The following SMG1 variants were observed in gnomAD, a reference collection of about 807,000 sequenced individuals.
SMG1 encodes SMG1 nonsense mediated mRNA decay associated PI3K related kinase, also known as serine/threonine-protein kinase SMG1.
SMG1 carries 22 observed loss-of-function variants against 419.9 expected under a neutral mutation model. The ratio of observed to expected loss-of-function variants is 0.05; its 90% CI spans 0.04 to 0.07. SMG1 has a LOEUF of 0.07. Among genes scored for constraint, SMG1 ranks in the 10% least tolerant of loss-of-function variants. The pLI is 1.00. For synonymous variants in SMG1, 1,538 were observed against 1,553.5 expected, an observed-to-expected ratio of 0.99 and a Z score of 0.23; for missense variants, 3,185 against 4,342.0, an observed-to-expected ratio of 0.73 and a Z score of 7.49.
chr16:18,853,214 G>C (rs887616488), intron 31 of SMG1, among the ~76,000 whole-genome samples: 1 of 152,194 alleles, frequency 6.6e-6, no homozygotes, highest in African/African-American at 2.4e-5. Context: ...ACTAGCACCA[G>C]AATGGGAAAC....
chr16:18,831,246 AG>A (rs1325197633), intron 51 of SMG1, among the ~76,000 whole-genome samples: 1 of 152,218 alleles, frequency 6.6e-6, no homozygotes, highest in Non-Finnish European at 1.5e-5. Context: ...AGAATTTTTA[AG>A]AGAATTAAAA....
chr16:18,923,985 C>CG (rs2038294585), intron 1 of SMG1, among the ~76,000 whole-genome samples: 2 of 152,184 alleles, frequency 1.3e-5, no homozygotes, highest in Non-Finnish European at 2.9e-5. Flanking sequence ...TATGTCCACA[C>CG]TTCCCTGTTC....
At chr16:18,818,318 G>A (rs942197423) in intron 56 of SMG1, among the ~76,000 whole-genome samples, 6 of 152,134 alleles carry the variant, frequency 3.9e-5, no homozygotes, top group East Asian at 3.9e-4. Flanking sequence ...TCGGGAGGCA[G>A]AGGTTGCAGT....
Position 18,870,674 on chromosome 16 carries a change from C to G in SMG1, c.2428G>C (p.Gly810Arg). The G allele has an allele frequency of 6.2e-7, 1 of 1,608,982 alleles. No individual in the cohort carries two copies. The part of the protein sequence containing the change: ...DVCRVQLVHS[G>R]TRIRQAFGKL... ...CCAAATGCTTGTCGAATACGAGTTCCACTGTGCACTAGTTGAACACGGCAA... is the reference window on the plus strand; with the variant it reads ...CCAAATGCTTGTCGAATACGAGTTCGACTGTGCACTAGTTGAACACGGCAA... Residue 810 changes from glycine to arginine, a missense_variant, in exon 18 of 63, where the codon GGA (glycine) becomes CGA (arginine). Transcript: ENST00000446231.
In SMG1 at chr16:18,926,160, AGG is replaced by A; in HGVS notation, c.-121_-120del. ...GGGGCTGAGGAGGAAGCCGAGAAGG[AGG>A]AGGAGGAGGAGGAGGAGGAGAAGGA... On this transcript the variant is annotated 5_prime_UTR_variant, in exon 1 of 63. Coordinates refer to ENST00000446231, the MANE Select transcript of SMG1 (RefSeq NM_015092.5). 2 of 539,290 alleles carry A rather than the reference AGG, an allele frequency of 3.7e-6. No homozygotes were observed. The highest frequency in any genetic ancestry group is 5.6e-6 in the Non-Finnish European group (2 of 360,024). 33.4% of individuals were successfully genotyped at this position (539,290 alleles called of 1,614,324 possible).
intron 1 of SMG1, among the ~76,000 whole-genome samples, chr16:18,897,466 A>G (rs958388818): frequency 1.1e-4 from 17 of 152,232 alleles, no homozygotes; most frequent in Admixed American, 5.2e-4. Context: ...CTGATTAGGT[A>G]CTGTAGTATT....
At chr16:18,920,225 T>C (rs28446527) in intron 1 of SMG1, among the ~76,000 whole-genome samples, 1 of 151,468 alleles carries the variant, frequency 6.6e-6, no homozygotes, top group South Asian at 2.1e-4. Context: ...CTACTAAATA[T>C]AAAAAAGTTA....
chr16:18,837,288 T>G lies in SMG1; in HGVS notation c.7569A>C (p.Glu2523Asp). The G allele has an allele frequency of 6.2e-7, 1 of 1,614,006 alleles. No individual in the cohort carries two copies. The change falls in exon 46 of 63, where the codon GAA becomes GAC. Residue 2523 changes from glutamate (E) to aspartate (D), a missense_variant. Physicochemically the swap from Glu to Asp is conservative, Grantham distance 45. Coordinates refer to ENST00000446231, the MANE Select transcript of SMG1 (RefSeq NM_015092.5). The stretch of plus-strand genomic sequence containing the variant: ...GAGTATGAGAAGGATGATCCACCCC[T>G]TCAGCTCCTTCTAGAAACTCTATTT... ...LEEIEFLEGA[E>D]GVDHPSHTLQ...
intron 45 of SMG1, 33 bp from the exon 46 acceptor site, chr16:18,837,476 T>C (rs1259433522): frequency 6.4e-7 from 1 of 1,563,704 alleles, no homozygotes; most frequent in Admixed American, 1.8e-5. Flanking sequence ...AGAAGACTCT[T>C]ACAGGGCCAA....
chr16:18,855,239 T>C (rs2034832485), intron 29 of SMG1, among the ~76,000 whole-genome samples: 1 of 152,192 alleles, frequency 6.6e-6, no homozygotes, highest in Admixed American at 6.5e-5. Context: ...CTTCTGTAAG[T>C]ACTCTCTGCC....
At position 18,829,773 on chromosome 16, in the gene SMG1, T is replaced by G; in HGVS notation, c.9134-18A>C. 4.4e-6 allele frequency: 7 copies of G among 1,575,420 alleles called. No homozygotes were observed. Among genetic ancestry groups the G allele is most frequent in the Non-Finnish European group, 6.0e-6 (7 of 1,160,188 alleles). On this transcript the variant is annotated intron_variant, in intron 53 of 62. Transcript: ENST00000446231. ...ACTTGATCCTACAAAAAGGAAAAAT[T>G]TCTTGTATTTCATGAAAAAAATCAG...
At chr16:18,844,925 A>C (rs184142588) in intron 39 of SMG1, among the ~76,000 whole-genome samples, 1 of 152,368 alleles carries the variant, frequency 6.6e-6, no homozygotes, top group Admixed American at 6.5e-5. Flanking sequence ...ATAAAAGATA[A>C]GGATTCTCAA....
chr16:18,831,030 C>T lies in SMG1; in HGVS notation c.8793-661G>A, dbSNP rs182813068. ...GACCTAGTAAATTGTCAGGTATGTT[C>T]GCACTATTACTACAAGATACGATAC... On this transcript the variant is annotated intron_variant, in intron 51 of 62. Transcript: ENST00000446231. 3.0e-4 allele frequency among the ~76,000 whole-genome samples: 46 copies of T among 152,238 alleles called. No individual in the cohort carries two copies. In the East Asian group the frequency reaches 8.1e-3, roughly 27 times the overall value.
intron 23 of SMG1, 22 bp from the exon 24 acceptor site, chr16:18,864,166 T>A: frequency 5.4e-6 from 8 of 1,469,764 alleles, no homozygotes; most frequent in South Asian, 1.3e-5. Flanking sequence ...ATTGAAGCAG[T>A]CTTATTTATT....
At chr16:18,873,969 T>G (rs933383135) in intron 13 of SMG1, among the ~76,000 whole-genome samples, 2 of 152,234 alleles carry the variant, frequency 1.3e-5, no homozygotes, top group Non-Finnish European at 2.9e-5. Flanking sequence ...CGAAGAAGAA[T>G]TTATTGTGAC....
chr16:18,849,861 A>C, intron 35 of SMG1, 88 bp downstream of exon 35: 1 of 1,291,888 alleles, frequency 7.7e-7, no homozygotes, highest in Non-Finnish European at 1.1e-6. Flanking sequence ...TACACATTCA[A>C]ATAATAAACA....
intron 6 of SMG1, 22 bp from the exon 7 acceptor site, chr16:18,885,688 A>G (rs2036581323): frequency 6.3e-7 from 1 of 1,595,078 alleles, no homozygotes; most frequent in South Asian, 1.1e-5. Context: ...AAAGTTACAA[A>G]CCGTGAACAT....
At chr16:18,888,705 A>T (rs1174221495) in intron 6 of SMG1, among the ~76,000 whole-genome samples, 1 of 151,374 alleles carries the variant, frequency 6.6e-6, no homozygotes, top group Non-Finnish European at 1.5e-5. Context: ...TGACCTCATG[A>T]TGTTTCCACC....
chr16:18,916,300 G>A (rs2037975179), intron 1 of SMG1, among the ~76,000 whole-genome samples: 4 of 151,496 alleles, frequency 2.6e-5, no homozygotes, highest in Admixed American at 2.0e-4. Context: ...CGGATCACGA[G>A]GTCAGGAGAT....
Sources: gnomAD v4.1 joint callset for allele counts (sites outside exome capture counted in the v4.1 genomes callset) on GRCh38, gnomAD v4.1.1 for gene constraint, MANE v1.5 for transcripts, NCBI Gene and HGNC (gene_info 2026-07-23, HGNC 2026-07-21) for gene names.